The following PCCB variants were observed in gnomAD, a reference collection of about 807,000 sequenced individuals.
The protein encoded by PCCB is propionyl-CoA carboxylase subunit beta, also known as propionyl-CoA carboxylase beta chain, mitochondrial.
A neutral mutation model predicts 60.7 loss-of-function variants in PCCB; 43 were observed. That is an observed-to-expected ratio of 0.71 (90% CI 0.55 to 0.91). The LOEUF (loss-of-function observed/expected upper bound fraction) is 0.91, where lower values mean the gene tolerates loss of function less well. Ranked by LOEUF, PCCB falls within the 40% of genes least tolerant of loss-of-function variation. The probability of loss-of-function intolerance (pLI) is 0.00; values close to 1 mark genes in which losing one functional copy is unlikely to be tolerated. For synonymous variants in PCCB, 276 were observed against 255.9 expected (o/e 1.08, Z -0.75); for missense variants, 766 against 702.8 (o/e 1.09, Z -1.02).
chr3:136,321,814 T>G (rs892769502), intron 10 of PCCB, among the ~76,000 whole-genome samples: 1 of 152,240 alleles, frequency 6.6e-6, no homozygotes, highest in African/African-American at 2.4e-5. Flanking sequence ...AGGAAAGTAA[T>G]TGATTTTTGT....
At chr3:136,299,349 T>C (rs1560018621) in intron 8 of PCCB, among the ~76,000 whole-genome samples, 3 of 152,046 alleles carry the variant, frequency 2.0e-5, no homozygotes, top group Non-Finnish European at 4.4e-5. Flanking sequence ...CACATACACA[T>C]GCATACATAT....
chr3:136,303,497 T>C lies in PCCB; in HGVS notation c.966+2386T>C, dbSNP rs1292176530. Among the ~76,000 whole-genome samples the C allele has an allele frequency of 2.4e-5, 3 of 122,814 alleles. 1 individual carries two copies. The highest frequency in any genetic ancestry group is 5.4e-5 in the Non-Finnish European group (3 of 55,174). The allele number at this position is 122,814 out of a possible 152,430, so 80.6% of individuals were successfully genotyped here. Reference sequence around the variant, plus strand: ...GTTGTATATTCTGTTTGCTAATGTTTTGAGTTTCTGCATTGATATTATGTG... The same window carrying C: ...GTTGTATATTCTGTTTGCTAATGTTCTGAGTTTCTGCATTGATATTATGTG... On this transcript the variant is annotated intron_variant, in intron 9 of 14. Coordinates refer to ENST00000251654, the MANE Select transcript of PCCB (RefSeq NM_000532.5).
chr3:136,328,869 T>C lies in PCCB; in HGVS notation c.1498+12T>C, dbSNP rs776453295. ...TGCAGCAGTGCGAGGTAGGGGACTG[T>C]GGTGAAGAGGGCAGCTTTGTTTGTT... On this transcript the variant is annotated intron_variant, in intron 14 of 14. Coordinates refer to ENST00000251654, the MANE Select transcript of PCCB (RefSeq NM_000532.5). 5 of 1,587,704 alleles carry C rather than the reference T, an allele frequency of 3.1e-6. No individual in the cohort carries two copies. The East Asian group carries it at 8.9e-5, about 28-fold the overall frequency.
At chr3:136,324,467 A>G (rs1258108262) in intron 10 of PCCB, among the ~76,000 whole-genome samples, 1 of 152,020 alleles carries the variant, frequency 6.6e-6, no homozygotes, top group African/African-American at 2.4e-5. Flanking sequence ...TTTTCATTCA[A>G]CTTCTTTTCT....
intron 5 of PCCB, among the ~76,000 whole-genome samples, chr3:136,272,720 T>C (rs1013812604): frequency 4.6e-5 from 7 of 152,168 alleles, no homozygotes; most frequent in African/African-American, 1.7e-4. Context: ...TTCATTGAGC[T>C]TATTTGGATC....
intron 5 of PCCB, among the ~76,000 whole-genome samples, chr3:136,264,675 C>G (rs147087364): frequency 1.7e-4 from 26 of 150,326 alleles, no homozygotes; most frequent in Non-Finnish European, 5.9e-5. Context: ...AGATCAAGAC[C>G]GTCCTGGCTA....
At chr3:136,294,477 A>C (rs1266387670) in intron 7 of PCCB, among the ~76,000 whole-genome samples, 20 of 151,734 alleles carry the variant, frequency 1.3e-4, no homozygotes, top group Admixed American at 1.3e-3. Context: ...ACACCCAGCA[A>C]ATTTTTTTTT....
chr3:136,322,146 C>G (rs750751039), intron 10 of PCCB, among the ~76,000 whole-genome samples: 1 of 152,220 alleles, frequency 6.6e-6, no homozygotes, highest in East Asian at 1.9e-4. Context: ...CCCTCTATAC[C>G]TAGTTTATTG....
chr3:136,307,279 G>A (rs1253038666), intron 9 of PCCB, among the ~76,000 whole-genome samples: 1 of 69,722 alleles, frequency 1.4e-5, no homozygotes, highest in Admixed American at 2.2e-4. Flanking sequence ...TCAACAAAAG[G>A]ATTGGTAGTG....
chr3:136,265,126 G>A (rs1941951731), intron 5 of PCCB, among the ~76,000 whole-genome samples: 1 of 152,194 alleles, frequency 6.6e-6, no homozygotes, highest in Admixed American at 6.5e-5. Flanking sequence ...CTGAGAGGTG[G>A]AGGTTGCAGT....
At chr3:136,254,433 G>A (rs1941608759) in intron 1 of PCCB, among the ~76,000 whole-genome samples, 1 of 149,712 alleles carries the variant, frequency 6.7e-6, no homozygotes. Context: ...TGTTAGCCAG[G>A]ATGGTCTCGA....
intron 14 of PCCB, among the ~76,000 whole-genome samples, chr3:136,329,177 T>C (rs538447096): frequency 4.6e-5 from 7 of 152,392 alleles, no homozygotes; most frequent in Non-Finnish European, 8.8e-5. Flanking sequence ...CTTATGGTTC[T>C]GTGGGGTCCA....
At chr3:136,298,491 C>G (rs1934038518) in intron 8 of PCCB, among the ~76,000 whole-genome samples, 1 of 152,130 alleles carries the variant, frequency 6.6e-6, no homozygotes, top group Non-Finnish European at 1.5e-5. Context: ...TGGCTTTTTT[C>G]TGTCTAAAGT....
At chr3:136,325,446 C>T (rs1444729818) in intron 10 of PCCB, among the ~76,000 whole-genome samples, 2 of 152,052 alleles carry the variant, frequency 1.3e-5, no homozygotes, top group Non-Finnish European at 2.9e-5. Context: ...ACCTCTGCCT[C>T]CTGGGTTCAA....
intron 9 of PCCB, among the ~76,000 whole-genome samples, chr3:136,301,818 G>C (rs532058684): frequency 3.9e-5 from 6 of 152,224 alleles, no homozygotes; most frequent in Admixed American, 2.0e-4. Flanking sequence ...CCAAGGATTA[G>C]CCTGAGATGT....
chr3:136,250,543 C>T lies in PCCB; in HGVS notation c.168C>T (p.Asp56=), dbSNP rs759008477. Residue 56 remains aspartate (D), a synonymous_variant, in exon 1 of 15, where the codon GAC becomes GAT. Coordinates refer to ENST00000251654, the MANE Select transcript of PCCB (RefSeq NM_000532.5). The part of the protein sequence containing the change: ...ALLGGGQRRI[D]AQHKRGKLTA... ...TGGGAGGGGGCCAACGCCGTATTGA[C>T]GCGCAGCACAAGCGAGTGAGTCCTG... The T allele has an allele frequency of 2.5e-6, 4 of 1,612,416 alleles. No homozygotes were observed. Among genetic ancestry groups the T allele is most frequent in the Non-Finnish European group, 3.4e-6 (4 of 1,179,618 alleles).
At chr3:136,292,775 A>AAT (rs1052671045) in intron 6 of PCCB, among the ~76,000 whole-genome samples, 5 of 152,096 alleles carry the variant, frequency 3.3e-5, no homozygotes, top group African/African-American at 1.2e-4. Flanking sequence ...AAAGAGGGCA[A>AAT]ATATATATAT....
chr3:136,290,791 C>T (rs1161510326), intron 6 of PCCB, among the ~76,000 whole-genome samples: 1 of 147,102 alleles, frequency 6.8e-6, no homozygotes, highest in Admixed American at 6.9e-5. Context: ...ATATTCTGTT[C>T]TTTTTTCTCT....
chr3:136,293,713 C>G (rs1306008053), intron 6 of PCCB, 43 bp from the exon 7 acceptor site: 1 of 1,219,220 alleles, frequency 8.2e-7, no homozygotes, highest in African/African-American at 1.5e-5. Context: ...GTGACCAGCT[C>G]TGGTGCTCTG....
Sources: allele counts gnomAD v4.1 joint callset (sites outside exome capture counted in the v4.1 genomes callset), GRCh38; gene constraint gnomAD v4.1.1; transcripts MANE v1.5; gene names NCBI Gene and HGNC (gene_info 2026-07-23, HGNC 2026-07-21).